The following ASF1B variants were observed in gnomAD, a reference collection of about 807,000 sequenced individuals.
ASF1B encodes histone chaperone ASF1B.
In ASF1B, 10 loss-of-function variants were observed where a neutral mutation model predicts 16.6. The ratio of observed to expected loss-of-function variants is 0.60; its 90% CI spans 0.37 to 1.02. ASF1B has a LOEUF of 1.02. ASF1B is among the 50% of genes least tolerant of loss of function. ASF1B has a pLI of 0.01. For missense variants in ASF1B, 240 were observed against 266.0 expected (o/e 0.90, Z 0.68); for synonymous variants, 101 against 106.2 (o/e 0.95, Z 0.30).
At position 14,136,427 on chromosome 19, in the gene ASF1B, C is replaced by T. The variant is rs769536601; in HGVS notation, c.30G>A (p.Ala10=). Residue 10 remains alanine, a synonymous_variant, in exon 1 of 4, where the codon GCG becomes GCA. Transcript: ENST00000263382. The part of the protein sequence containing the change: MAKVSVLNV[A]VLENPSPFHS... The stretch of plus-strand genomic sequence containing the variant: ...GGAAAGGGCTCGGGTTCTCCAGGAC[C>T]GCCACGTTCAGCACCGACACCTTGG... 1.2e-6 allele frequency: 2 copies of T among 1,613,716 alleles called. No individual in the cohort carries two copies. Among genetic ancestry groups the T allele is most frequent in the East Asian group, 4.5e-5 (2 of 44,870 alleles).
chr19:14,134,137 G>T (rs1017248981), intron 1 of ASF1B, among the ~76,000 whole-genome samples: 7 of 152,092 alleles, frequency 4.6e-5, no homozygotes, highest in African/African-American at 1.7e-4. Context: ...ACACAAACAG[G>T]CTGATTGAAA....
intron 1 of ASF1B, among the ~76,000 whole-genome samples, chr19:14,132,451 C>G (rs931410952): frequency 3.9e-5 from 6 of 152,048 alleles, no homozygotes; most frequent in Admixed American, 6.6e-5. Flanking sequence ...ACAGAGAGCC[C>G]TAGGACTGGA....
At position 14,127,646 on chromosome 19, in the gene ASF1B, C is replaced by CTT. The variant is rs71170596; in HGVS notation, c.110-1411_110-1410dup. ...GCATCCCGGGGTGATCCTCCAAACA[C>CTT]TTTTTTTTTTTGACAGTTTCACTCT... On this transcript the variant is annotated intron_variant, in intron 1 of 3. Transcript: ENST00000263382. Among the ~76,000 whole-genome samples, 143 of 148,670 alleles carry CTT rather than the reference C, an allele frequency of 9.6e-4. 1 individual carries two copies. The highest frequency in any genetic ancestry group is 3.3e-3 in the African/African-American group (133 of 40,592).
At chr19:14,123,378 C>CTTTTTT (rs74181857) in intron 2 of ASF1B, among the ~76,000 whole-genome samples, 16 of 119,818 alleles carry the variant, frequency 1.3e-4, no homozygotes, top group Non-Finnish European at 2.2e-4. Flanking sequence ...TTTCTTTCTT[C>CTTTTTT]TTTTTTTTTT....
intron 1 of ASF1B, among the ~76,000 whole-genome samples, chr19:14,128,160 A>C (rs1967346172): frequency 6.6e-6 from 1 of 152,204 alleles, no homozygotes; most frequent in Non-Finnish European, 1.5e-5. Flanking sequence ...CTCTTTAGAA[A>C]TTACACAACC....
intron 1 of ASF1B, among the ~76,000 whole-genome samples, chr19:14,131,569 GC>G (rs1439463716): frequency 6.7e-6 from 1 of 148,420 alleles, no homozygotes; most frequent in Non-Finnish European, 1.5e-5. Context: ...TGCAAGCTCT[GC>G]CTCCTGGGTT....
rs546753268 is a variant in ASF1B at position 14,136,215 on chromosome 19, G to A, written c.109+133C>T. 4.4e-3 allele frequency: 2,911 copies of A among 666,608 alleles called. 14 individuals are homozygous for A. The highest frequency in any genetic ancestry group is 0.012 in the Admixed American group (435 of 36,614). The allele number at this position is 666,608 out of a possible 1,614,324, so 41.3% of individuals were successfully genotyped here. A position where few individuals can be genotyped will look rare whatever the true frequency, so the allele number is the denominator to read the frequency against. On this transcript the variant is annotated intron_variant, in intron 1 of 3. Coordinates refer to ENST00000263382, the MANE Select transcript of ASF1B (RefSeq NM_018154.3). The stretch of plus-strand genomic sequence containing the variant: ...GGGAGATCCGGTTGACTGGCGGGCT[G>A]GGGGAGATCGGGGTTGGCGGAAGGG...
chr19:14,121,762 A>G, intron 2 of ASF1B, 54 bp from the exon 3 acceptor site: 1 of 1,480,408 alleles, frequency 6.8e-7, no homozygotes, highest in Non-Finnish European at 9.2e-7. Flanking sequence ...CCTCGATGTC[A>G]TTAGTACAAA....
At chr19:14,135,526 C>A (rs56716967) in intron 1 of ASF1B, among the ~76,000 whole-genome samples, 5,904 of 151,968 alleles carry the variant, frequency 0.039, 224 homozygotes, top group African/African-American at 0.1. Flanking sequence ...TGCATTGGGG[C>A]AGAAAAGCGG....
intron 1 of ASF1B, among the ~76,000 whole-genome samples, chr19:14,128,231 T>A (rs55764924): frequency 0.18 from 27,428 of 152,166 alleles, 2,805 homozygotes; most frequent in South Asian, 0.26. Flanking sequence ...AAGCAAACTC[T>A]CTCAGAAGCT....
At chr19:14,126,338 T>A (rs1427340069) in intron 1 of ASF1B, 101 bp from the exon 2 acceptor site, 1 of 757,744 alleles carries the variant, frequency 1.3e-6, no homozygotes, top group Middle Eastern at 2.9e-4. Context: ...GGAGTCTCGT[T>A]CTGTCACACA....
At position 14,121,703 on chromosome 19, in the gene ASF1B, G is replaced by A. The variant is rs138363630; in HGVS notation, c.231C>T (p.Asp77=). ...CTGGGATGAGGGATGGGTTGGGGGCGTCGGCCTAGGGGAGACACATCCTAG... is the reference window on the plus strand; with the variant it reads ...CTGGGATGAGGGATGGGTTGGGGGCATCGGCCTAGGGGAGACACATCCTAG... ...AGRHMFVFQA[D]APNPSLIPET... Residue 77 remains aspartate, a synonymous_variant, in exon 3 of 4, where the codon GAC becomes GAT. Coordinates refer to ENST00000263382, the MANE Select transcript of ASF1B (RefSeq NM_018154.3). 3.2e-5 allele frequency: 52 copies of A among 1,613,164 alleles called. No homozygotes were observed. Among genetic ancestry groups the A allele is most frequent in the East Asian group, 2.2e-4 (10 of 44,878 alleles).
intron 2 of ASF1B, among the ~76,000 whole-genome samples, chr19:14,123,876 C>T (rs538788124): frequency 1.3e-4 from 19 of 151,708 alleles, no homozygotes; most frequent in African/African-American, 3.9e-4. Flanking sequence ...CTGTAACTTC[C>T]GCCCCCTGGA....
chr19:14,135,407 C>G (rs1381600166), intron 1 of ASF1B, among the ~76,000 whole-genome samples: 1 of 151,978 alleles, frequency 6.6e-6, no homozygotes, highest in Non-Finnish European at 1.5e-5. Flanking sequence ...GGAAGGGGAG[C>G]TGGGGAGACA....
intron 1 of ASF1B, among the ~76,000 whole-genome samples, chr19:14,129,750 G>A (rs138633957): frequency 4.5e-4 from 65 of 143,504 alleles, no homozygotes; most frequent in Admixed American, 2.5e-3. Context: ...AAGAGTTATA[G>A]GTATAGGGCC....
intron 2 of ASF1B, among the ~76,000 whole-genome samples, chr19:14,121,941 A>AT (rs1005622304): frequency 1.2e-4 from 17 of 138,676 alleles, no homozygotes; most frequent in South Asian, 9.2e-4. Flanking sequence ...TTTTTTTGGT[A>AT]TTTTTTTTTA....
intron 1 of ASF1B, among the ~76,000 whole-genome samples, chr19:14,134,952 G>A (rs186988021): frequency 6.6e-6 from 1 of 151,894 alleles, no homozygotes; most frequent in Non-Finnish European, 1.5e-5. Flanking sequence ...GACGGGGCAC[G>A]GTGGCTCACG....
Position 14,120,675 on chromosome 19 carries a change from G to A in ASF1B, c.403-10C>T. On this transcript the variant is annotated splice_polypyrimidine_tract_variant and intron_variant, in intron 3 of 3. Coordinates refer to ENST00000263382, the MANE Select transcript of ASF1B (RefSeq NM_018154.3). ...AGATGTTCCGCTGGAGCTGGGGCAG[G>A]AAGAGGAACGTCAACCCTTGTAGGT... 4 of 1,613,836 alleles carry A rather than the reference G, an allele frequency of 2.5e-6. No homozygotes were observed. The highest frequency in any genetic ancestry group is 3.4e-6 in the Non-Finnish European group (4 of 1,179,854).
chr19:14,125,997 A>G (rs1967311594), intron 2 of ASF1B, 125 bp downstream of exon 2: 2 of 699,140 alleles, frequency 2.9e-6, no homozygotes, highest in Non-Finnish European at 4.6e-6. Flanking sequence ...AGCTGGGTCT[A>G]TAGGCGTGAG....
Sources: gnomAD v4.1 joint callset for allele counts (sites outside exome capture counted in the v4.1 genomes callset) on GRCh38, gnomAD v4.1.1 for gene constraint, MANE v1.5 for transcripts, NCBI Gene and HGNC (gene_info 2026-07-23, HGNC 2026-07-21) for gene names.